NFATC4: variants seen among roughly 807,000 people sequenced by gnomAD.
NFATC4 encodes nuclear factor of activated T-cells, cytoplasmic 4.
A neutral mutation model predicts 73.4 loss-of-function variants in NFATC4; 25 were observed. The observed-to-expected ratio is 0.34, with a 90% CI of 0.25 to 0.48. The LOEUF (loss-of-function observed/expected upper bound fraction) is 0.48, where lower values mean the gene tolerates loss of function less well. NFATC4 is among the 20% of genes least tolerant of loss of function. The probability of loss-of-function intolerance (pLI) is 0.99; values close to 1 mark genes in which losing one functional copy is unlikely to be tolerated. For synonymous variants in NFATC4, 523 were observed against 510.3 expected (o/e 1.02, Z -0.34); for missense variants, 1,130 against 1,203.7 (o/e 0.94, Z 0.91).
At chr14:24,367,969 T>C (rs2042350366), upstream of NFATC4, 6 of 1,156,832 alleles carry the variant, frequency 5.2e-6, no homozygotes, top group South Asian at 1.5e-4. Flanking sequence ...AGTATCACTC[T>C]TGAAGGACCG....
chr14:24,375,059 G>T (rs763730952), intron 6 of NFATC4, among the ~76,000 whole-genome samples: 14 of 151,954 alleles, frequency 9.2e-5, no homozygotes, highest in Non-Finnish European at 2.1e-4. Flanking sequence ...CTGGGCTCAA[G>T]CAATCCTCCA....
At position 24,376,648 on chromosome 14, in the gene NFATC4, C is replaced by T. The variant is rs905838139; in HGVS notation, c.2411C>T (p.Pro804Leu). The change falls in exon 9 of 10, where the codon CCA becomes CTA. Residue 804 changes from proline (P) to leucine (L), a missense_variant. This residue lies in a region of NFATC4 where 390 missense variants were observed against 408.1 expected (regional missense o/e 0.96). Transcript: ENST00000250373. The surrounding 1 kb of genome is among the most constrained non-coding windows in gnomAD (Gnocchi z 5.0). ...GGCTCCTCTTTCTCCCTGGGGCTGC[C>T]ATTCTCTCCGCCAGCCCCCTTTCGG... ...GRGSSFSLGL[P>L]FSPPAPFRPP... 6.2e-7 allele frequency: 1 copy of T among 1,613,380 alleles called. No individual in the cohort carries two copies. Among genetic ancestry groups the T allele is most frequent in the African/African-American group, 1.3e-5 (1 of 74,876 alleles).
rs563647155 is a variant in NFATC4 at position 24,377,866 on chromosome 14, G to T, written c.*161G>T. On this transcript the variant is annotated 3_prime_UTR_variant, in exon 10 of 10. Coordinates refer to ENST00000250373, the MANE Select transcript of NFATC4 (RefSeq NM_004554.5). This position sits in a 1 kb window ranked among gnomAD's most constrained non-coding sequence, Gnocchi z 4.2. ...CTGTCTTCCCTCCCCTCCCCCAGCTGAGGTGTGGCCCTCAGGCCTGGTGCT... is the reference window on the plus strand; with the variant it reads ...CTGTCTTCCCTCCCCTCCCCCAGCTTAGGTGTGGCCCTCAGGCCTGGTGCT... 2.1e-6 allele frequency: 3 copies of T among 1,414,976 alleles called. No individual in the cohort carries two copies. The South Asian group carries it at 4.2e-5, about 20-fold the overall frequency. The allele number at this position is 1,414,976 out of a possible 1,614,324, so 87.7% of individuals were successfully genotyped here.
Position 24,373,627 on chromosome 14 carries a change from C to T in NFATC4, c.1560-68C>T. On this transcript the variant is annotated intron_variant, in intron 4 of 9. Coordinates refer to ENST00000250373, the MANE Select transcript of NFATC4 (RefSeq NM_004554.5). The surrounding 1 kb of genome is among the most constrained non-coding windows in gnomAD (Gnocchi z 4.7). ...GCTTTGGATGGAGGGCGGGAACTTC[C>T]CTCTTTAGGGATGTATCACCATTTT... The T allele has an allele frequency of 6.4e-7, 1 of 1,552,662 alleles. No individual in the cohort carries two copies. Among genetic ancestry groups the T allele is most frequent in the Middle Eastern group, 1.8e-4 (1 of 5,514 alleles).
chr14:24,373,648 A>G lies in NFATC4; in HGVS notation c.1560-47A>G, dbSNP rs1346861011. 6.4e-7 allele frequency: 1 copy of G among 1,571,344 alleles called. No individual in the cohort carries two copies. The highest frequency in any genetic ancestry group is 8.6e-7 in the Non-Finnish European group (1 of 1,157,402). On this transcript the variant is annotated intron_variant, in intron 4 of 9. Coordinates refer to ENST00000250373, the MANE Select transcript of NFATC4 (RefSeq NM_004554.5). The surrounding 1 kb of genome is among the most constrained non-coding windows in gnomAD (Gnocchi z 4.7). ...CTTCCCTCTTTAGGGATGTATCACC[A>G]TTTTGGCTTCAGCTAGGAGGGCTTG... is the stretch of plus-strand genomic sequence containing the variant.
chr14:24,376,530 T>A lies in NFATC4; in HGVS notation c.2293T>A (p.Phe765Ile). The A allele has an allele frequency of 6.2e-7, 1 of 1,613,992 alleles. No individual in the cohort carries two copies. ...ATCCTACAGACCGGGCCTGCGGATG[T>A]TCCCTGAGACTAGGGGTACCACAGG... ...PPSYRPGLRM[F>I]PETRGTTGCA... The change falls in exon 9 of 10, where the codon TTC becomes ATC. Residue 765 changes from phenylalanine (F) to isoleucine (I), a missense_variant. Around this residue, in one of 3 missense-constraint regions of NFATC4, gnomAD observed 390 missense variants for 408.1 expected, o/e 0.96. Coordinates refer to ENST00000250373, the MANE Select transcript of NFATC4 (RefSeq NM_004554.5). The surrounding 1 kb of genome is among the most constrained non-coding windows in gnomAD (Gnocchi z 5.0).
chr14:24,376,971 G>C lies in NFATC4; in HGVS notation c.2641+93G>C. On this transcript the variant is annotated intron_variant, in intron 9 of 9. Coordinates refer to ENST00000250373, the MANE Select transcript of NFATC4 (RefSeq NM_004554.5). The surrounding 1 kb of genome is among the most constrained non-coding windows in gnomAD (Gnocchi z 5.0). Reference sequence around the variant, plus strand: ...GCTGGAGCTGGGCTTTTCAGAGATCGGGCATCCCTGGTCTCTCAGGGCCAG... The same window carrying C: ...GCTGGAGCTGGGCTTTTCAGAGATCCGGCATCCCTGGTCTCTCAGGGCCAG... 7.0e-7 allele frequency: 1 copy of C among 1,422,772 alleles called. No individual in the cohort carries two copies. Among genetic ancestry groups the C allele is most frequent in the South Asian group, 1.5e-5 (1 of 64,652 alleles). The allele number at this position is 1,422,772 out of a possible 1,614,324, so 88.1% of individuals were successfully genotyped here.
upstream of NFATC4, chr14:24,367,992 G>T (rs1594696175): frequency 2.3e-6 from 2 of 885,338 alleles, no homozygotes; most frequent in South Asian, 1.1e-4. Context: ...TTCCAATTCA[G>T]TTTTTTTTTT....
At position 24,376,251 on chromosome 14, in the gene NFATC4, C is replaced by A; in HGVS notation, c.2057-43C>A. The A allele has an allele frequency of 1.9e-6, 3 of 1,558,704 alleles. No individual in the cohort carries two copies. The highest frequency in any genetic ancestry group is 2.6e-6 in the Non-Finnish European group (3 of 1,151,106). On this transcript the variant is annotated intron_variant, in intron 8 of 9. Transcript: ENST00000250373. The surrounding 1 kb of genome is among the most constrained non-coding windows in gnomAD (Gnocchi z 5.0). Reference sequence around the variant, plus strand: ...GGAAGGTGTGCAGTGGGGAGACTACCAGACCTCTCACCAGCATGTCCTCCC... The same window carrying A: ...GGAAGGTGTGCAGTGGGGAGACTACAAGACCTCTCACCAGCATGTCCTCCC...
Position 24,370,031 on chromosome 14 carries a change from G to C in NFATC4, c.633G>C (p.Leu211=). ...ATGAGGCGGCCTCCCGCTTTGGCCT[G>C]GGCTCCCCGCTGCCCTCGCCCCGGG... ...ELNEAASRFG[L]GSPLPSPRAS... is the part of the protein sequence containing the mutation. Residue 211 remains leucine (L), a synonymous_variant, in exon 2 of 10, where the codon CTG becomes CTC. Coordinates refer to ENST00000250373, the MANE Select transcript of NFATC4 (RefSeq NM_004554.5). The C allele has an allele frequency of 6.2e-7, 1 of 1,611,254 alleles. No individual in the cohort carries two copies. The highest frequency in any genetic ancestry group is 8.5e-7 in the Non-Finnish European group (1 of 1,179,932).
Position 24,372,618 on chromosome 14 carries a change from G to A in NFATC4, c.1359+15G>A. On this transcript the variant is annotated intron_variant, in intron 3 of 9. Transcript: ENST00000250373. ...CCGTAGTCAAGGTAAAGGACAGACA[G>A]CAGGCCTGATATCCTCTCTCCTCTC... 4.3e-6 allele frequency: 7 copies of A among 1,613,710 alleles called. No individual in the cohort carries two copies. Among genetic ancestry groups the A allele is most frequent in the Non-Finnish European group, 5.9e-6 (7 of 1,180,024 alleles).
intron 1 of NFATC4, chr14:24,368,903 GA>G (rs1258666683): frequency 1.6e-5 from 4 of 255,398 alleles, no homozygotes; most frequent in Non-Finnish European, 2.5e-5. Flanking sequence ...GGCGGGGACC[GA>G]GCCGGGGGCG....
upstream of NFATC4, chr14:24,367,595 T>C: frequency 6.5e-7 from 1 of 1,536,130 alleles, no homozygotes; most frequent in Non-Finnish European, 8.7e-7. Flanking sequence ...GAATGGCTGA[T>C]GGAGGCGCTG....
Position 24,369,825 on chromosome 14 carries a change from C to G in NFATC4, c.427C>G (p.Pro143Ala), listed in dbSNP as rs1022909658. The part of the protein sequence containing the change: ...DNPDAWGDGS[P>A]RDYPPPEGFG... The stretch of plus-strand genomic sequence containing the variant: ...CCCTGATGCCTGGGGGGACGGCTCT[C>G]CTAGAGATTACCCCCCACCAGAAGG... The change falls in exon 2 of 10, where the codon CCT becomes GCT. Residue 143 changes from proline (P) to alanine (A), a missense_variant. Physicochemically the swap from Pro to Ala is conservative, Grantham distance 27 (BLOSUM62 -1). This residue lies in a region of NFATC4 where 585 missense variants were observed against 574.3 expected (regional missense o/e 1.02). Transcript: ENST00000250373. 43 of 1,602,628 alleles carry G rather than the reference C, an allele frequency of 2.7e-5. No homozygotes were observed. Among genetic ancestry groups the G allele is most frequent in the Non-Finnish European group, 3.6e-5 (42 of 1,174,808 alleles).
intron 2 of NFATC4, 92 bp downstream of exon 2, chr14:24,370,686 T>C (rs1387118948): frequency 2.7e-6 from 4 of 1,481,014 alleles, no homozygotes; most frequent in East Asian, 4.6e-5. Context: ...ACTAGTTTCA[T>C]GCCCTCTGAA....
chr14:24,376,583 C>T lies in NFATC4; in HGVS notation c.2346C>T (p.Phe782=). The change falls in exon 9 of 10, where the codon TTC becomes TTT. Residue 782 remains phenylalanine (F), a synonymous_variant. Coordinates refer to ENST00000250373, the MANE Select transcript of NFATC4 (RefSeq NM_004554.5). This position sits in a 1 kb window ranked among gnomAD's most constrained non-coding sequence, Gnocchi z 5.0. ...TGCAQPPAVS[F]LPRPFPSDPY... is the part of the protein sequence containing the mutation. Reference sequence around the variant, plus strand: ...GTGCCCAACCACCTGCAGTTTCCTTCCTTCCCCGCCCCTTCCCTAGTGACC... The same window carrying T: ...GTGCCCAACCACCTGCAGTTTCCTTTCTTCCCCGCCCCTTCCCTAGTGACC... 3.1e-6 allele frequency: 5 copies of T among 1,614,014 alleles called. No individual in the cohort carries two copies. Among genetic ancestry groups the T allele is most frequent in the Non-Finnish European group, 4.2e-6 (5 of 1,179,982 alleles).
rs142208294 is a variant in NFATC4, at chr14:24,376,774, G to T, written c.2537G>T (p.Gly846Val). ...PAEGYNKVGP[G>V]YGPGEGAPEQ... ...GAGGGATACAATAAGGTAGGGCCAG[G>T]CTATGGCCCTGGGGAGGGGGCTCCG... The change falls in exon 9 of 10, where the codon GGC (glycine) becomes GTC (valine). Residue 846 changes from glycine (G) to valine (V), a missense_variant. Physicochemically the swap from Gly to Val is moderately radical, Grantham distance 109 (BLOSUM62 -3). Transcript: ENST00000250373. The surrounding 1 kb of genome is among the most constrained non-coding windows in gnomAD (Gnocchi z 5.0). 1.3e-5 allele frequency: 21 copies of T among 1,613,834 alleles called. No homozygotes were observed. In the South Asian group the frequency reaches 2.3e-4, roughly 18 times the overall value.
chr14:24,370,472 A>G lies in NFATC4; in HGVS notation c.1074A>G (p.Ala358=), dbSNP rs1358154882. The part of the protein sequence containing the change: ...ASCNGKLPLG[A]EESVAPPGGS... ...GCAATGGGAAGCTGCCCTTGGGAGC[A>G]GAGGAGTCTGTGGCTCCTCCAGGAG... Residue 358 remains alanine, a synonymous_variant, in exon 2 of 10, where the codon GCA becomes GCG. Coordinates refer to ENST00000250373, the MANE Select transcript of NFATC4 (RefSeq NM_004554.5). The G allele has an allele frequency of 6.2e-6, 10 of 1,614,066 alleles. No homozygotes were observed. The East Asian group carries it at 2.2e-4, about 36-fold the overall frequency.
rs903302088 is a variant in NFATC4, at chr14:24,368,361, G to A, written c.21G>A (p.Glu7=). The A allele has an allele frequency of 7.2e-7, 1 of 1,382,152 alleles. No individual in the cohort carries two copies. Among genetic ancestry groups the A allele is most frequent in the Non-Finnish European group, 9.4e-7 (1 of 1,069,480 alleles). The allele number at this position is 1,382,152 out of a possible 1,614,324, so 85.6% of individuals were successfully genotyped here. A position where few individuals can be genotyped will look rare whatever the true frequency, so the allele number is the denominator to read the frequency against. Reference sequence around the variant, plus strand: ...GATCCATGGGGGCGGCCAGCTGCGAGGATGAGGAGCTGGAATTTAAGCTGG... The same window carrying A: ...GATCCATGGGGGCGGCCAGCTGCGAAGATGAGGAGCTGGAATTTAAGCTGG... The part of the protein sequence containing the change: MGAASC[E]DEELEFKLVF... The change falls in exon 1 of 10, where the codon GAG becomes GAA. Residue 7 remains glutamate (E), a synonymous_variant. Transcript: ENST00000250373.
Sources: allele counts gnomAD v4.1 joint callset (sites outside exome capture counted in the v4.1 genomes callset), GRCh38; gene constraint gnomAD v4.1.1; regional missense constraint gnomAD v4.1.1; non-coding constraint Gnocchi (gnomAD v3.1); transcripts MANE v1.5; gene names NCBI Gene and HGNC (gene_info 2026-07-23, HGNC 2026-07-21).